CSMD1: variants seen among roughly 807,000 people sequenced by gnomAD.
The protein encoded by CSMD1 is CUB and sushi domain-containing protein 1.
CSMD1 carries 213 observed loss-of-function variants against 417.5 expected under a neutral mutation model. That is an observed-to-expected ratio of 0.51 (90% CI 0.46 to 0.57). The LOEUF (loss-of-function observed/expected upper bound fraction) is 0.57, where lower values mean the gene tolerates loss of function less well. CSMD1 is among the 20% of genes least tolerant of loss of function. The pLI is 0.00. For synonymous variants in CSMD1, 2,862 were observed against 1,736.8 expected (o/e 1.65, Z -16.11); for missense variants, 6,923 against 4,529.7 (o/e 1.53, Z -15.17).
intron 18 of CSMD1, 127 bp from the exon 19 acceptor site, chr8:3,369,497 C>A: frequency 1.7e-6 from 1 of 597,980 alleles, no homozygotes; most frequent in Admixed American, 3.0e-5. Flanking sequence ...CCAAGAAAAA[C>A]CAAGCAGAAC....
At chr8:3,765,842 T>C (rs911272100) in intron 5 of CSMD1, among the ~76,000 whole-genome samples, 1 of 152,042 alleles carries the variant, frequency 6.6e-6, no homozygotes, top group African/African-American at 2.4e-5. Flanking sequence ...ACCTTCACCA[T>C]TGAGGAAGGA....
intron 3 of CSMD1, among the ~76,000 whole-genome samples, chr8:4,070,757 G>C (rs111593411): frequency 6.6e-6 from 1 of 152,190 alleles, no homozygotes; most frequent in South Asian, 2.1e-4. Context: ...CCTCCACCAC[G>C]AGCCTGTCAC....
At chr8:3,300,315 T>C (rs1804291949) in intron 25 of CSMD1, among the ~76,000 whole-genome samples, 1 of 152,190 alleles carries the variant, frequency 6.6e-6, no homozygotes, top group Non-Finnish European at 1.5e-5. Flanking sequence ...CCTTTTCAAG[T>C]GTAGTTTTCT....
chr8:3,118,320 G>C lies in CSMD1; in HGVS notation c.6430+79C>G, dbSNP rs138057556. 192 of 969,778 alleles carry C rather than the reference G, an allele frequency of 2.0e-4. No homozygotes were observed. In the African/African-American group the frequency reaches 2.8e-3, roughly 14 times the overall value. The allele number at this position is 969,778 out of a possible 1,614,324, so 60.1% of individuals were successfully genotyped here. ...TTATTGAATACATTAATAAATTACT[G>C]GATATGTTCATTTAATATTTAATGT... On this transcript the variant is annotated intron_variant, in intron 42 of 69. Transcript: ENST00000635120.
intron 7 of CSMD1, among the ~76,000 whole-genome samples, chr8:3,700,181 C>A (rs904333984): frequency 1.3e-5 from 2 of 152,110 alleles, no homozygotes; most frequent in Non-Finnish European, 2.9e-5. Context: ...AATGGGTGCA[C>A]CAACATCTCA....
intron 7 of CSMD1, among the ~76,000 whole-genome samples, chr8:3,623,932 G>A (rs1796374607): frequency 6.6e-6 from 1 of 151,738 alleles, no homozygotes; most frequent in South Asian, 2.1e-4. Flanking sequence ...AGCTGAGATT[G>A]CACCACTGCA....
intron 2 of CSMD1, among the ~76,000 whole-genome samples, chr8:4,503,150 T>C (rs189575804): frequency 1.5e-4 from 23 of 152,298 alleles, no homozygotes; most frequent in Admixed American, 1.5e-3. Context: ...TTACGTGAAG[T>C]GTGCTTTTAA....
intron 1 of CSMD1, among the ~76,000 whole-genome samples, chr8:4,836,448 T>G (rs1484089976): frequency 6.6e-6 from 1 of 152,206 alleles, no homozygotes; most frequent in Non-Finnish European, 1.5e-5. Flanking sequence ...CAAATTCTCC[T>G]TAAGTGCTGT....
At chr8:4,877,459 T>C (rs1010964296) in intron 1 of CSMD1, among the ~76,000 whole-genome samples, 3 of 152,120 alleles carry the variant, frequency 2.0e-5, no homozygotes, top group East Asian at 1.9e-4. Context: ...CCAGATGTTA[T>C]AAAGTCATAT....
intron 23 of CSMD1, among the ~76,000 whole-genome samples, chr8:3,316,515 G>C (rs949361474): frequency 7.7e-6 from 1 of 130,198 alleles, no homozygotes; most frequent in Non-Finnish European, 1.7e-5. Flanking sequence ...GGTAGCTGGA[G>C]GGGTTCAGTG....
chr8:4,441,127 G>A (rs3888304), intron 2 of CSMD1, among the ~76,000 whole-genome samples: 22,559 of 53,788 alleles, frequency 0.42, 3,343 homozygotes, highest in Middle Eastern at 0.58. Context: ...TTAAGAGATA[G>A]GGTCTCTGTC....
intron 3 of CSMD1, among the ~76,000 whole-genome samples, chr8:4,328,101 C>G (rs1799659283): frequency 2.0e-5 from 3 of 152,262 alleles, no homozygotes; most frequent in Admixed American, 2.0e-4. Context: ...AGAAACTATG[C>G]AAACAAGTCA....
chr8:4,759,567 A>G (rs761238675), intron 1 of CSMD1, among the ~76,000 whole-genome samples: 6 of 143,380 alleles, frequency 4.2e-5, no homozygotes, highest in Non-Finnish European at 9.1e-5. Context: ...CCTTTCCCCG[A>G]ACCATCCCCC....
At chr8:4,213,517 G>C (rs540805695) in intron 3 of CSMD1, among the ~76,000 whole-genome samples, 2 of 152,312 alleles carry the variant, frequency 1.3e-5, no homozygotes, top group South Asian at 4.1e-4. Context: ...TTGGTGGTGC[G>C]TTAATGTAGA....
chr8:4,469,741 G>C lies in CSMD1; in HGVS notation c.303-49676C>G, dbSNP rs150107304. On this transcript the variant is annotated intron_variant, in intron 2 of 69. Coordinates refer to ENST00000635120, the MANE Select transcript of CSMD1 (RefSeq NM_033225.6). The stretch of plus-strand genomic sequence containing the variant: ...CTTGTCCCTCTACATCTCTGCACAG[G>C]AGGCAATGGAAGGAGCCCTTGGAAT... 4.7e-3 allele frequency among the ~76,000 whole-genome samples: 714 copies of C among 152,112 alleles called. 4 individuals are homozygous for C. The highest frequency in any genetic ancestry group is 0.016 in the African/African-American group (666 of 41,486).
chr8:3,149,612 G>C (rs983525425), intron 40 of CSMD1, among the ~76,000 whole-genome samples: 1 of 152,122 alleles, frequency 6.6e-6, no homozygotes, highest in Admixed American at 6.6e-5. Flanking sequence ...CAAGTAGTTG[G>C]GATTACAAGC....
intron 68 of CSMD1, among the ~76,000 whole-genome samples, 153 bp downstream of exon 68, chr8:2,949,146 T>C (rs1315289716): frequency 6.8e-6 from 1 of 146,408 alleles, no homozygotes; most frequent in Non-Finnish European, 1.5e-5. Context: ...CTATTCAAAA[T>C]AATTTTTTTT....
chr8:4,425,378 CCAAAAAAAA>C (rs1797488901), intron 2 of CSMD1, among the ~76,000 whole-genome samples: 1 of 87,882 alleles, frequency 1.1e-5, no homozygotes, highest in African/African-American at 5.2e-5. Context: ...TATTTGTGTG[CCAAAAAAAA>C]AAAAAAAAAA....
intron 23 of CSMD1, among the ~76,000 whole-genome samples, chr8:3,333,043 G>C (rs1346697287): frequency 2.6e-5 from 4 of 152,174 alleles, no homozygotes; most frequent in Non-Finnish European, 5.9e-5. Flanking sequence ...AAGCCAGCAA[G>C]GACACGCCCT....
Sources: gnomAD v4.1 joint callset for allele counts (sites outside exome capture counted in the v4.1 genomes callset) on GRCh38, gnomAD v4.1.1 for gene constraint, MANE v1.5 for transcripts, NCBI Gene and HGNC (gene_info 2026-07-23, HGNC 2026-07-21) for gene names.